Variants in SLC35F4 observed in about 807,000 individuals in gnomAD.
SLC35F4 encodes solute carrier family 35 member F4.
A neutral mutation model predicts 44.2 loss-of-function variants in SLC35F4; 24 were observed. That is an observed-to-expected ratio of 0.54 (90% CI 0.39 to 0.76). The LOEUF (loss-of-function observed/expected upper bound fraction) is 0.76, where lower values mean the gene tolerates loss of function less well. Among genes scored for constraint, SLC35F4 ranks in the 30% least tolerant of loss-of-function variants. The pLI is 0.00. For missense variants in SLC35F4, 562 were observed against 586.1 expected, an observed-to-expected ratio of 0.96 and a Z score of 0.42; for synonymous variants, 238 against 223.6, an observed-to-expected ratio of 1.06 and a Z score of -0.57.
At position 57,750,539 on chromosome 14, in the gene SLC35F4, T is replaced by C. The variant is rs202019748; in HGVS notation, c.103+115184A>G. Among the ~76,000 whole-genome samples the C allele has an allele frequency of 6.6e-5, 10 of 152,330 alleles. No individual in the cohort carries two copies. In the East Asian group the frequency reaches 9.6e-4, roughly 15 times the overall value. Reference sequence around the variant, plus strand: ...CCTTTTATCCACATTGTTGCCAACATCTAATATGTTTTCTTTGTAGTAATA... The same window carrying C: ...CCTTTTATCCACATTGTTGCCAACACCTAATATGTTTTCTTTGTAGTAATA... On this transcript the variant is annotated intron_variant, in intron 1 of 7. Coordinates refer to ENST00000556826, the MANE Select transcript of SLC35F4 (RefSeq NM_001306087.2).
chr14:57,930,327 T>C (rs1889673207), intron 1 of SLC35F4, among the ~76,000 whole-genome samples: 1 of 152,188 alleles, frequency 6.6e-6, no homozygotes, highest in Admixed American at 6.5e-5. Context: ...TGGGGGATGC[T>C]TGGCATCTTC....
intron 1 of SLC35F4, among the ~76,000 whole-genome samples, chr14:57,683,140 C>T (rs551645896): frequency 9.2e-5 from 14 of 152,320 alleles, no homozygotes; most frequent in Middle Eastern, 3.4e-3. Context: ...ATAGCTAATT[C>T]ATTTTCTGAG....
chr14:57,905,027 C>T (rs996088015), intron 1 of SLC35F4, among the ~76,000 whole-genome samples: 7 of 152,188 alleles, frequency 4.6e-5, no homozygotes, highest in African/African-American at 1.7e-4. Context: ...AATTTTATCT[C>T]ATAATCTCAT....
chr14:57,667,614 T>C (rs2074360638), intron 1 of SLC35F4, among the ~76,000 whole-genome samples: 1 of 151,710 alleles, frequency 6.6e-6, no homozygotes, highest in African/African-American at 2.4e-5. Context: ...GATAGTTTGC[T>C]GAGAATGATG....
chr14:57,799,773 C>T (rs541863874), intron 1 of SLC35F4, among the ~76,000 whole-genome samples: 49 of 152,256 alleles, frequency 3.2e-4, no homozygotes, highest in African/African-American at 8.7e-4. Context: ...AGCAGGATCC[C>T]GATCCATTCC....
intron 1 of SLC35F4, among the ~76,000 whole-genome samples, chr14:57,952,988 A>G (rs1381591549): frequency 1.3e-5 from 2 of 152,162 alleles, no homozygotes; most frequent in Non-Finnish European, 2.9e-5. Context: ...CATGATCATC[A>G]GATTCACCAA....
intron 6 of SLC35F4, among the ~76,000 whole-genome samples, chr14:57,567,480 A>ATT (rs2068264740): frequency 6.6e-6 from 1 of 152,184 alleles, no homozygotes; most frequent in African/African-American, 2.4e-5. Flanking sequence ...ATGTTCTTCT[A>ATT]TTGTCATCTG....
chr14:57,933,897 A>G (rs1219239082), intron 1 of SLC35F4, among the ~76,000 whole-genome samples: 1 of 152,206 alleles, frequency 6.6e-6, no homozygotes, highest in East Asian at 1.9e-4. Flanking sequence ...GAAAAAATAT[A>G]TATAATTAAA....
intron 1 of SLC35F4, among the ~76,000 whole-genome samples, chr14:57,692,996 T>C (rs1423704397): frequency 6.6e-6 from 1 of 152,184 alleles, no homozygotes. Flanking sequence ...TTGAATACTC[T>C]AAACATGACA....
chr14:57,876,359 A>C (rs1888399411), intron 1 of SLC35F4, among the ~76,000 whole-genome samples: 1 of 152,098 alleles, frequency 6.6e-6, no homozygotes, highest in Non-Finnish European at 1.5e-5. Context: ...CTATATTTCT[A>C]CTTTCTTAGG....
At chr14:57,915,662 C>CACGTTAT (rs1555401457) in intron 1 of SLC35F4, among the ~76,000 whole-genome samples, 16 of 151,866 alleles carry the variant, frequency 1.1e-4, no homozygotes, top group Non-Finnish European at 1.9e-4. Flanking sequence ...CGGTCTTTGC[C>CACGTTAT]ACATTATAAC....
chr14:57,682,663 G>A (rs996362625), intron 1 of SLC35F4, among the ~76,000 whole-genome samples: 11 of 151,774 alleles, frequency 7.2e-5, no homozygotes, highest in African/African-American at 2.7e-4. Flanking sequence ...GCCATTTGCG[G>A]TTTTTGCTAC....
At chr14:57,722,403 C>T (rs534726154) in intron 1 of SLC35F4, among the ~76,000 whole-genome samples, 175 of 152,306 alleles carry the variant, frequency 1.1e-3, no homozygotes, top group African/African-American at 4.1e-3. Context: ...TAGACCTACT[C>T]ATCCCAGCTG....
intron 1 of SLC35F4, among the ~76,000 whole-genome samples, chr14:57,645,137 G>T (rs1414361613): frequency 6.6e-6 from 1 of 152,102 alleles, no homozygotes; most frequent in Non-Finnish European, 1.5e-5. Flanking sequence ...CTTTAAAGTA[G>T]TTTTTTCCAA....
chr14:57,865,866 G>C lies in SLC35F4; in HGVS notation c.-41C>G. 3 of 1,429,512 alleles carry C rather than the reference G, an allele frequency of 2.1e-6. No homozygotes were observed. Among genetic ancestry groups the C allele is most frequent in the Non-Finnish European group, 2.8e-6 (3 of 1,072,516 alleles). 88.6% of individuals were successfully genotyped at this position (1,429,512 alleles called of 1,614,324 possible). On this transcript the variant is annotated 5_prime_UTR_variant, in exon 1 of 8. Coordinates refer to ENST00000556826, the MANE Select transcript of SLC35F4 (RefSeq NM_001306087.2). ...ACGGCCCCGAGTGCGGCGGGGCGGA[G>C]AGCGCAGCGCGGGGCCCGGGAGCTG...
chr14:57,623,433 T>A (rs1328663132), intron 1 of SLC35F4, among the ~76,000 whole-genome samples: 1 of 152,154 alleles, frequency 6.6e-6, no homozygotes, highest in East Asian at 1.9e-4. Flanking sequence ...TATCCACGAC[T>A]TGAACTCAGC....
chr14:57,734,631 T>A (rs1357629533), intron 1 of SLC35F4, among the ~76,000 whole-genome samples: 1 of 152,186 alleles, frequency 6.6e-6, no homozygotes, highest in East Asian at 1.9e-4. Context: ...TCCAGGGATT[T>A]ATAGCAATAT....
chr14:57,572,363 C>G (rs182304211), intron 4 of SLC35F4, among the ~76,000 whole-genome samples: 1 of 152,218 alleles, frequency 6.6e-6, no homozygotes, highest in Non-Finnish European at 1.5e-5. Context: ...GAAGTCACTT[C>G]TAAGCGTTTT....
At chr14:57,571,798 T>C (rs893765183) in intron 5 of SLC35F4, 96 bp downstream of exon 5, 48 of 1,441,162 alleles carry the variant, frequency 3.3e-5, no homozygotes, top group Non-Finnish European at 4.4e-5. Context: ...ACATCTATTT[T>C]CTTTCTAATC....
Sources: allele counts gnomAD v4.1 joint callset (sites outside exome capture counted in the v4.1 genomes callset), GRCh38; gene constraint gnomAD v4.1.1; transcripts MANE v1.5; gene names NCBI Gene and HGNC (gene_info 2026-07-23, HGNC 2026-07-21).